BCAT2: variants seen among roughly 807,000 people sequenced by gnomAD.
BCAT2 encodes branched chain amino acid transaminase 2, also known as branched-chain-amino-acid aminotransferase, mitochondrial.
BCAT2 carries 44 observed loss-of-function variants against 52.9 expected under a neutral mutation model. The observed-to-expected ratio is 0.83, with a 90% CI of 0.65 to 1.07. BCAT2 has a LOEUF of 1.07. Ranked by LOEUF, BCAT2 falls within the 50% of genes least tolerant of loss-of-function variation. The pLI is 0.00. For synonymous variants in BCAT2, 215 were observed against 217.1 expected, an observed-to-expected ratio of 0.99 and a Z score of 0.08; for missense variants, 478 against 521.8, an observed-to-expected ratio of 0.92 and a Z score of 0.82.
chr19:48,801,655 T>C (rs1004270403), intron 3 of BCAT2, among the ~76,000 whole-genome samples: 5 of 152,068 alleles, frequency 3.3e-5, no homozygotes, highest in African/African-American at 1.2e-4. Context: ...ATTTTTTATT[T>C]TATTTGAGAT....
In BCAT2 at chr19:48,796,629, C is replaced by T. The variant is rs571191767; in HGVS notation, c.1014G>A (p.Ser338=). ...EEGRVREVFG[S]GTACQVCPVH... Reference sequence around the variant, plus strand: ...CTGGGCAGACCTGGCAAGCGGTGCCCGAGCCAAAGACTTCCCGCACGCGGC... The same window carrying T: ...CTGGGCAGACCTGGCAAGCGGTGCCTGAGCCAAAGACTTCCCGCACGCGGC... Residue 338 remains serine, a synonymous_variant, in exon 9 of 11, where the codon TCG becomes TCA. Transcript: ENST00000316273. 9.9e-6 allele frequency: 16 copies of T among 1,613,708 alleles called. No homozygotes were observed. The highest frequency in any genetic ancestry group is 8.9e-5 in the East Asian group (4 of 44,874).
rs1013887014 is a variant in BCAT2, at chr19:48,811,013, G to C, written c.-6C>G. On this transcript the variant is annotated 5_prime_UTR_variant, in exon 1 of 11. Coordinates refer to ENST00000316273, the MANE Select transcript of BCAT2 (RefSeq NM_001190.4). ...CCCAGAGCGGCTGCGGCCATGATCCGTGCGGCGCGTAACTGTGCCCGCCCG... is the reference window on the plus strand; with the variant it reads ...CCCAGAGCGGCTGCGGCCATGATCCCTGCGGCGCGTAACTGTGCCCGCCCG... 5 of 1,603,566 alleles carry C rather than the reference G, an allele frequency of 3.1e-6. No individual in the cohort carries two copies. The African/African-American group carries it at 4.1e-5, about 13-fold the overall frequency.
intron 7 of BCAT2, 51 bp downstream of exon 7, chr19:48,797,140 T>C: frequency 6.2e-7 from 1 of 1,609,678 alleles, no homozygotes. Context: ...CCAGGAATGA[T>C]GGTGCCACCC....
chr19:48,800,820 G>C (rs1280455787), intron 3 of BCAT2, among the ~76,000 whole-genome samples: 1 of 151,800 alleles, frequency 6.6e-6, no homozygotes, highest in Non-Finnish European at 1.5e-5. Context: ...CTCTGTCCCT[G>C]ATCACTGCCC....
At chr19:48,806,321 G>A (rs778883784) in intron 3 of BCAT2, among the ~76,000 whole-genome samples, 196 bp downstream of exon 3, 4 of 151,546 alleles carry the variant, frequency 2.6e-5, no homozygotes, top group Non-Finnish European at 5.9e-5. Flanking sequence ...TGAAGGAACC[G>A]GGTCTGCTCA....
At chr19:48,809,952 A>G (rs1034074013) in intron 1 of BCAT2, among the ~76,000 whole-genome samples, 1 of 151,986 alleles carries the variant, frequency 6.6e-6, no homozygotes, top group Non-Finnish European at 1.5e-5. Flanking sequence ...GGATATCTCT[A>G]TCTTCATCAG....
chr19:48,800,092 G>A lies in BCAT2; in HGVS notation c.420C>T (p.Asp140=). The change falls in exon 5 of 11, where the codon GAC becomes GAT. Residue 140 remains aspartate (D), a synonymous_variant. Coordinates refer to ENST00000316273, the MANE Select transcript of BCAT2 (RefSeq NM_001190.4). ...SAMRLCLPSF[D]KLELLECIRR... ...GGATGCACTCCAGCAACTCCAGCTT[G>A]TCGAAACTCTGGGTGGGATTCTGAA... 1 of 1,613,984 alleles carries A rather than the reference G, an allele frequency of 6.2e-7. No homozygotes were observed. Among genetic ancestry groups the A allele is most frequent in the Non-Finnish European group, 8.5e-7 (1 of 1,179,902 alleles).
chr19:48,796,690 A>G lies in BCAT2; in HGVS notation c.953T>C (p.Ile318Thr), dbSNP rs1020482522. ...WGEFRVVERTITMKQLLRALE... is the reference protein window; with the variant it reads ...WGEFRVVERTTTMKQLLRALE... ...GGCCCGCAGCAACTGCTTCATGGTG[A>G]TCGTGCGCTCCACCACCCGGAACTC... The change falls in exon 9 of 11, where the codon ATC becomes ACC. Residue 318 changes from isoleucine to threonine, a missense_variant. Ile to Thr is a moderately conservative substitution (Grantham distance 89). Coordinates refer to ENST00000316273, the MANE Select transcript of BCAT2 (RefSeq NM_001190.4). 4 of 1,612,980 alleles carry G rather than the reference A, an allele frequency of 2.5e-6. No individual in the cohort carries two copies. Among genetic ancestry groups the G allele is most frequent in the Admixed American group, 1.7e-5 (1 of 59,974 alleles).
In BCAT2 at chr19:48,799,790, G is replaced by A; in HGVS notation, c.580C>T (p.Leu194Phe). 1.3e-6 allele frequency: 2 copies of A among 1,565,530 alleles called. No homozygotes were observed. Among genetic ancestry groups the A allele is most frequent in the Non-Finnish European group, 8.7e-7 (1 of 1,154,976 alleles). ...QPTRALLFVILCPVGAYFPGG... is the reference protein window; with the variant it reads ...QPTRALLFVIFCPVGAYFPGG... The stretch of plus-strand genomic sequence containing the variant: ...GGGAAGTAGGCACCCACTGGGCAGA[G>A]AATGACGAACAGGAGCGCGCGCGTG... The change falls in exon 6 of 11, where the codon CTC (leucine) becomes TTC (phenylalanine). Residue 194 changes from leucine to phenylalanine, a missense_variant. Leu to Phe is a conservative substitution (Grantham distance 22). Coordinates refer to ENST00000316273, the MANE Select transcript of BCAT2 (RefSeq NM_001190.4). The surrounding 1 kb of genome is among the most constrained non-coding windows in gnomAD (Gnocchi z 5.5).
In BCAT2 at chr19:48,805,089, A is replaced by G. The variant is rs531395687; in HGVS notation, c.300+1428T>C. Among the ~76,000 whole-genome samples, 24 of 152,278 alleles carry G rather than the reference A, an allele frequency of 1.6e-4. 1 individual carries two copies. In the South Asian group the frequency reaches 5.0e-3, roughly 32 times the overall value. On this transcript the variant is annotated intron_variant, in intron 3 of 10. Coordinates refer to ENST00000316273, the MANE Select transcript of BCAT2 (RefSeq NM_001190.4). ...TTCATGCCACAGAACTGTGCCCTGG[A>G]GGACTAAAATCAGCCAACCTGCTAA...
In BCAT2 at chr19:48,799,612, G is replaced by C. The variant is rs111322841; in HGVS notation, c.695+63C>G. Reference sequence around the variant, plus strand: ...CAGAGGCATGGCCGAAAGCACGCACGCTGGTCCCTGTGTCTCCAACGCCCA... The same window carrying C: ...CAGAGGCATGGCCGAAAGCACGCACCCTGGTCCCTGTGTCTCCAACGCCCA... On this transcript the variant is annotated intron_variant, in intron 6 of 10. Coordinates refer to ENST00000316273, the MANE Select transcript of BCAT2 (RefSeq NM_001190.4). The surrounding 1 kb of genome is among the most constrained non-coding windows in gnomAD (Gnocchi z 5.5). 1 of 1,479,358 alleles carries C rather than the reference G, an allele frequency of 6.8e-7. No individual in the cohort carries two copies. 91.6% of individuals were successfully genotyped at this position (1,479,358 alleles called of 1,614,324 possible). A position where few individuals can be genotyped will look rare whatever the true frequency, so the allele number is the denominator to read the frequency against.
chr19:48,799,748 G>A lies in BCAT2; in HGVS notation c.622C>T (p.Pro208Ser), dbSNP rs199930503. 122 of 1,583,922 alleles carry A rather than the reference G, an allele frequency of 7.7e-5. No homozygotes were observed. In the Admixed American group the frequency reaches 1.7e-3, roughly 23 times the overall value. ...GCTGGGTCGGCCAGGAGGGAGACCG[G>A]GGTCACGGAGCCTCCAGGGAAGTAG... ...GAYFPGGSVT[P>S]VSLLADPAFI... The change falls in exon 6 of 11, where the codon CCG becomes TCG. Residue 208 changes from proline to serine, a missense_variant. Coordinates refer to ENST00000316273, the MANE Select transcript of BCAT2 (RefSeq NM_001190.4). The surrounding 1 kb of genome is among the most constrained non-coding windows in gnomAD (Gnocchi z 5.5).
chr19:48,797,474 C>T, intron 6 of BCAT2, 141 bp from the exon 7 acceptor site: 2 of 1,049,386 alleles, frequency 1.9e-6, no homozygotes, highest in Admixed American at 5.4e-5. Context: ...GAGATGGAAT[C>T]CTTGACTTTT....
chr19:48,799,315 A>C lies in BCAT2; in HGVS notation c.695+360T>G. ...GCTCAAACGACTGTGGGAGCTGGGTATGGGGAGCGCAGCCCAGCCTGGGGG... is the reference window on the plus strand; with the variant it reads ...GCTCAAACGACTGTGGGAGCTGGGTCTGGGGAGCGCAGCCCAGCCTGGGGG... On this transcript the variant is annotated intron_variant, in intron 6 of 10. Transcript: ENST00000316273. This position sits in a 1 kb window ranked among gnomAD's most constrained non-coding sequence, Gnocchi z 5.5. The C allele has an allele frequency of 3.0e-5, 6 of 198,370 alleles. No homozygotes were observed. The highest frequency in any genetic ancestry group is 6.1e-5 in the Admixed American group (1 of 16,482). 12.3% of individuals were successfully genotyped at this position (198,370 alleles called of 1,614,324 possible).
rs374555330 is a variant in BCAT2, at chr19:48,796,693, G to A, written c.950C>T (p.Thr317Met). The A allele has an allele frequency of 8.7e-6, 14 of 1,612,668 alleles. No homozygotes were observed. The highest frequency in any genetic ancestry group is 1.1e-5 in the Non-Finnish European group (13 of 1,179,922). ...TWGEFRVVER[T>M]ITMKQLLRAL... ...CCGCAGCAACTGCTTCATGGTGATC[G>A]TGCGCTCCACCACCCGGAACTCACC... is the stretch of plus-strand genomic sequence containing the variant. Residue 317 changes from threonine (T) to methionine (M), a missense_variant, in exon 9 of 11, where the codon ACG (threonine) becomes ATG (methionine). Transcript: ENST00000316273.
In BCAT2 at chr19:48,796,519, G is replaced by A. The variant is rs372960566; in HGVS notation, c.1066-17C>T. 1,082 of 1,611,830 alleles carry A rather than the reference G, an allele frequency of 6.7e-4. 1 individual carries two copies. Among genetic ancestry groups the A allele is most frequent in the Non-Finnish European group, 8.6e-4 (1,019 of 1,179,426 alleles). On this transcript the variant is annotated splice_polypyrimidine_tract_variant and intron_variant, in intron 9 of 10. Coordinates refer to ENST00000316273, the MANE Select transcript of BCAT2 (RefSeq NM_001190.4). ...GTGGAGGTTCTGGGACAGAAGGTGC[G>A]GTGAGGACCAAGCCCCTCCCCTCCT...
chr19:48,796,849 A>G, intron 8 of BCAT2, 88 bp downstream of exon 8: 2 of 1,595,724 alleles, frequency 1.3e-6, no homozygotes, highest in South Asian at 1.1e-5. Context: ...GAAGGGGCAG[A>G]GACATGCCAG....
At chr19:48,809,817 T>C (rs2122707435) in intron 1 of BCAT2, among the ~76,000 whole-genome samples, 1 of 151,660 alleles carries the variant, frequency 6.6e-6, no homozygotes, top group Admixed American at 6.6e-5. Flanking sequence ...CCCAGGACTA[T>C]CCCTATGTTG....
rs2034623185 is a variant in BCAT2, at chr19:48,800,065, G to A, written c.447C>T (p.Arg149=). The part of the protein sequence containing the change: ...FDKLELLECI[R]RLIEVDKDWV... ...AGTCCTTGTCCACTTCGATGAGCCGGCGGATGCACTCCAGCAACTCCAGCT... is the reference window on the plus strand; with the variant it reads ...AGTCCTTGTCCACTTCGATGAGCCGACGGATGCACTCCAGCAACTCCAGCT... Residue 149 remains arginine, a synonymous_variant, in exon 5 of 11, where the codon CGC becomes CGT. Coordinates refer to ENST00000316273, the MANE Select transcript of BCAT2 (RefSeq NM_001190.4). The A allele has an allele frequency of 6.2e-7, 1 of 1,614,078 alleles. No homozygotes were observed. Among genetic ancestry groups the A allele is most frequent in the Non-Finnish European group, 8.5e-7 (1 of 1,179,954 alleles).
Sources: allele counts gnomAD v4.1 joint callset (sites outside exome capture counted in the v4.1 genomes callset), GRCh38; gene constraint gnomAD v4.1.1; non-coding constraint Gnocchi (gnomAD v3.1); transcripts MANE v1.5; gene names NCBI Gene and HGNC (gene_info 2026-07-23, HGNC 2026-07-21).